The following GPCPD1 variants were observed in gnomAD, a reference collection of about 807,000 sequenced individuals.
The protein encoded by GPCPD1 is glycerophosphocholine phosphodiesterase GPCPD1.
Under a neutral mutation model 89.2 loss-of-function variants are expected in GPCPD1, and 29 were observed. The observed-to-expected ratio is 0.33, with a 90% confidence interval of 0.24 to 0.44. The LOEUF is 0.44. Ranked by LOEUF, GPCPD1 falls within the 20% of genes least tolerant of loss-of-function variation. The pLI is 1.00. For synonymous variants in GPCPD1, 258 were observed against 266.3 expected (o/e 0.97, Z 0.30); for missense variants, 594 against 808.9 (o/e 0.73, Z 3.22).
At chr20:5,589,452 A>T (rs953292583) in intron 4 of GPCPD1, among the ~76,000 whole-genome samples, 2 of 152,154 alleles carry the variant, frequency 1.3e-5, no homozygotes, top group African/African-American at 2.4e-5. Flanking sequence ...TCTCTACTAA[A>T]AATACAAAAA....
intron 12 of GPCPD1, among the ~76,000 whole-genome samples, chr20:5,569,254 C>G (rs562669285): frequency 2.0e-5 from 3 of 152,158 alleles, no homozygotes; most frequent in South Asian, 4.2e-4. Flanking sequence ...GTGCCAGGGT[C>G]TTTGTCACAC....
intron 3 of GPCPD1, among the ~76,000 whole-genome samples, chr20:5,595,081 A>T (rs771152159): frequency 7.9e-5 from 12 of 152,238 alleles, no homozygotes; most frequent in Non-Finnish European, 1.5e-4. Flanking sequence ...ATCAGTTAGC[A>T]GCCATCAACA....
Position 5,559,969 on chromosome 20 carries a change from A to G in GPCPD1, c.1503T>C (p.Phe501=). Residue 501 remains phenylalanine, a synonymous_variant, in exon 17 of 20, where the codon TTT becomes TTC. Transcript: ENST00000379019. ...TGCAAATATCTGCATCAAATGAAGAAAACACTATTCTCCTCTTCCCAGAAT... is the reference window on the plus strand; with the variant it reads ...TGCAAATATCTGCATCAAATGAAGAGAACACTATTCTCCTCTTCCCAGAAT... ...LENSGKRRIV[F]SSFDADICTM... 3 of 1,553,758 alleles carry G rather than the reference A, an allele frequency of 1.9e-6. No homozygotes were observed. The highest frequency in any genetic ancestry group is 2.6e-6 in the Non-Finnish European group (3 of 1,142,948).
chr20:5,595,351 T>C (rs910838342), intron 3 of GPCPD1, among the ~76,000 whole-genome samples: 4 of 152,190 alleles, frequency 2.6e-5, no homozygotes, highest in Non-Finnish European at 4.4e-5. Context: ...AAAGCAAGAA[T>C]AGCAAATGCT....
chr20:5,562,505 C>T (rs529507616), intron 15 of GPCPD1, among the ~76,000 whole-genome samples: 1 of 152,322 alleles, frequency 6.6e-6, no homozygotes, highest in South Asian at 2.1e-4. Flanking sequence ...CAGTCTGAAA[C>T]TCCTGACCTC....
At chr20:5,579,468 C>T (rs1232461669) in intron 7 of GPCPD1, among the ~76,000 whole-genome samples, 3 of 152,206 alleles carry the variant, frequency 2.0e-5, no homozygotes, top group African/African-American at 7.2e-5. Context: ...CTGCCTCAGC[C>T]TCCCAAGCAG....
At chr20:5,610,077 GT>G in intron 1 of GPCPD1, among the ~76,000 whole-genome samples, 1 of 152,280 alleles carries the variant, frequency 6.6e-6, no homozygotes, top group South Asian at 2.1e-4. Flanking sequence ...CTGCCTTAAG[GT>G]GGAAGAATCC....
intron 11 of GPCPD1, among the ~76,000 whole-genome samples, chr20:5,571,761 T>C (rs900963697): frequency 3.3e-5 from 5 of 152,022 alleles, no homozygotes; most frequent in Admixed American, 1.3e-4. Flanking sequence ...TTACAAAAAT[T>C]AGCTGGGCAT....
chr20:5,550,973 T>C (rs1462427537), intron 19 of GPCPD1, among the ~76,000 whole-genome samples: 1 of 152,174 alleles, frequency 6.6e-6, no homozygotes, highest in Non-Finnish European at 1.5e-5. Context: ...AGAGACACTG[T>C]CACTCTAGCA....
At chr20:5,577,346 G>A (rs1468561394) in intron 8 of GPCPD1, among the ~76,000 whole-genome samples, 1 of 151,160 alleles carries the variant, frequency 6.6e-6, no homozygotes, top group Non-Finnish European at 1.5e-5. Flanking sequence ...AAATTAGCTG[G>A]GTGTGGTGGT....
At chr20:5,568,426 T>C (rs1463034883) in intron 12 of GPCPD1, among the ~76,000 whole-genome samples, 6 of 152,056 alleles carry the variant, frequency 3.9e-5, no homozygotes, top group Non-Finnish European at 7.4e-5. Context: ...GAAATACTTT[T>C]TTTTTTTCTA....
chr20:5,552,793 C>T (rs1316509492), intron 19 of GPCPD1, among the ~76,000 whole-genome samples: 1 of 152,028 alleles, frequency 6.6e-6, no homozygotes, highest in Admixed American at 6.6e-5. Context: ...CTAATTGAGA[C>T]AAAATACTGG....
chr20:5,591,166 T>C (rs1979303197), intron 4 of GPCPD1, among the ~76,000 whole-genome samples: 1 of 152,242 alleles, frequency 6.6e-6, no homozygotes, highest in Non-Finnish European at 1.5e-5. Flanking sequence ...AGATACTATT[T>C]TGTTTTGTCA....
At chr20:5,577,506 GA>G (rs1467770028) in intron 8 of GPCPD1, among the ~76,000 whole-genome samples, 2 of 150,434 alleles carry the variant, frequency 1.3e-5, no homozygotes, top group Admixed American at 1.3e-4. Flanking sequence ...AAAAAAAAAG[GA>G]AAAGAAGAAA....
chr20:5,594,797 G>C (rs1293306274), intron 3 of GPCPD1, among the ~76,000 whole-genome samples: 1 of 152,156 alleles, frequency 6.6e-6, no homozygotes, highest in Admixed American at 6.5e-5. Flanking sequence ...CACAGATACT[G>C]TGTTTTTTAC....
chr20:5,608,886 A>C (rs1455367064), intron 1 of GPCPD1, among the ~76,000 whole-genome samples: 1 of 152,192 alleles, frequency 6.6e-6, no homozygotes, highest in Non-Finnish European at 1.5e-5. Context: ...TATTTAAATA[A>C]CCCTTTTTAA....
chr20:5,594,044 TTA>T (rs1979523187), intron 3 of GPCPD1, among the ~76,000 whole-genome samples: 1 of 152,232 alleles, frequency 6.6e-6, no homozygotes, highest in Non-Finnish European at 1.5e-5. Flanking sequence ...CTGAACTATG[TTA>T]TTCTAACAGA....
At position 5,595,872 on chromosome 20, in the gene GPCPD1, G is replaced by A. The variant is rs181622039; in HGVS notation, c.147-2461C>T. ...CAGCCAGTTGGAGCATGTGAAACTA[G>A]CCCCACTAGTGCAGAGTAGAATTAC... On this transcript the variant is annotated intron_variant, in intron 3 of 19. Coordinates refer to ENST00000379019, the MANE Select transcript of GPCPD1 (RefSeq NM_019593.5). Among the ~76,000 whole-genome samples the A allele has an allele frequency of 2.5e-4, 38 of 152,088 alleles. No individual in the cohort carries two copies. In the East Asian group the frequency reaches 5.4e-3, roughly 22 times the overall value.
chr20:5,564,713 T>C (rs1348828893), intron 15 of GPCPD1, among the ~76,000 whole-genome samples: 1 of 152,088 alleles, frequency 6.6e-6, no homozygotes, highest in Non-Finnish European at 1.5e-5. Flanking sequence ...GGTGCACAAC[T>C]GCAGTTCCAG....
Sources: gnomAD v4.1 joint callset for allele counts (sites outside exome capture counted in the v4.1 genomes callset) on GRCh38, gnomAD v4.1.1 for gene constraint, MANE v1.5 for transcripts, NCBI Gene and HGNC (gene_info 2026-07-23, HGNC 2026-07-21) for gene names.